The following MGAT4C variants were observed in gnomAD, a reference collection of about 807,000 sequenced individuals.
MGAT4C encodes the protein MGAT4 family member C.
Under a neutral mutation model 40.1 loss-of-function variants are expected in MGAT4C, and 19 were observed. That is an observed-to-expected ratio of 0.47 (90% CI 0.33 to 0.70). MGAT4C has a LOEUF of 0.70. MGAT4C is among the 30% of genes least tolerant of loss of function. The probability of loss-of-function intolerance (pLI) is 0.02; values close to 1 mark genes in which losing one functional copy is unlikely to be tolerated. For missense variants in MGAT4C, 491 were observed against 563.2 expected, an observed-to-expected ratio of 0.87 and a Z score of 1.30; for synonymous variants, 181 against 187.1, an observed-to-expected ratio of 0.97 and a Z score of 0.27.
At chr12:86,755,898 T>C (rs202081022) in intron 1 of MGAT4C, among the ~76,000 whole-genome samples, 2 of 151,982 alleles carry the variant, frequency 1.3e-5, no homozygotes, top group East Asian at 3.9e-4. Context: ...TTGGCCAGCT[T>C]TGGGCTCCTA....
At chr12:86,420,794 T>C (rs1006855965) in intron 3 of MGAT4C, among the ~76,000 whole-genome samples, 14 of 148,290 alleles carry the variant, frequency 9.4e-5, no homozygotes, top group Admixed American at 2.0e-4. Context: ...TATATATATA[T>C]ACACACACAC....
chr12:86,827,772 C>A (rs1180523914), intron 1 of MGAT4C, among the ~76,000 whole-genome samples: 1 of 151,318 alleles, frequency 6.6e-6, no homozygotes, highest in Non-Finnish European at 1.5e-5. Context: ...TTGCTTTATA[C>A]ACAACTTGAC....
chr12:86,209,191 C>T (rs1950367209), intron 1 of MGAT4C, among the ~76,000 whole-genome samples: 1 of 151,846 alleles, frequency 6.6e-6, no homozygotes, highest in African/African-American at 2.4e-5. Context: ...CAATATTATA[C>T]AATATTAAGA....
At chr12:86,369,054 A>T (rs1252774302) in intron 3 of MGAT4C, among the ~76,000 whole-genome samples, 2 of 151,938 alleles carry the variant, frequency 1.3e-5, no homozygotes, top group Non-Finnish European at 2.9e-5. Context: ...TTGATGTTGG[A>T]TGCATGCATA....
Position 85,980,175 on chromosome 12 carries a change from C to T in MGAT4C, c.551G>A (p.Gly184Asp). 1 of 1,613,848 alleles carries T rather than the reference C, an allele frequency of 6.2e-7. No homozygotes were observed. The highest frequency in any genetic ancestry group is 1.7e-5 in the Admixed American group (1 of 59,986). The change falls in exon 5 of 5, where the codon GGC (glycine) becomes GAC (aspartate). Residue 184 changes from glycine to aspartate, a missense_variant. Transcript: ENST00000611864. ...TGGATCATTGTAATTTCTTTTAAGG[C>T]CATCTAGGATTGGGTAATACTCCTC... ...APEEYYPILD[G>D]LKRNYNDPED...
intron 4 of MGAT4C, among the ~76,000 whole-genome samples, chr12:86,326,383 C>G (rs1231391458): frequency 6.6e-6 from 1 of 150,850 alleles, no homozygotes; most frequent in Non-Finnish European, 1.5e-5. Flanking sequence ...TTGTATTGTT[C>G]ATTTCACAAT....
intron 2 of MGAT4C, among the ~76,000 whole-genome samples, chr12:86,701,159 T>A (rs1950355885): frequency 6.6e-6 from 1 of 152,134 alleles, no homozygotes. Flanking sequence ...ATTCAACTAA[T>A]GATTAAATAA....
intron 1 of MGAT4C, among the ~76,000 whole-genome samples, chr12:86,255,144 T>C (rs1429575810): frequency 6.6e-6 from 1 of 152,134 alleles, no homozygotes; most frequent in Non-Finnish European, 1.5e-5. Flanking sequence ...AAAAGTTTTA[T>C]AACCCTAGGA....
intron 2 of MGAT4C, among the ~76,000 whole-genome samples, chr12:86,667,579 C>T (rs1409850413): frequency 6.6e-6 from 1 of 152,150 alleles, no homozygotes; most frequent in South Asian, 2.1e-4. Flanking sequence ...GCAAAAACCG[C>T]ATTTACTTTT....
intron 1 of MGAT4C, among the ~76,000 whole-genome samples, chr12:86,225,191 T>C (rs1951029327): frequency 6.6e-6 from 1 of 151,974 alleles, no homozygotes; most frequent in Admixed American, 6.6e-5. Flanking sequence ...CTGGAAAACC[T>C]AGAGAAAATG....
rs17855890 is a variant in MGAT4C, at chr12:85,979,443, G to C, written c.1283C>G (p.Thr428Ser). The C allele has an allele frequency of 0.09, 145,789 of 1,612,782 alleles. 7,720 individuals are homozygous for C. Among genetic ancestry groups the C allele is most frequent in the Middle Eastern group, 0.2 (1,206 of 6,054 alleles). ...TTTGAATTCTCCTAGTCTTAAGTAA[G>C]TAGAACATTGTCTCCTTTGTTTGCT... is the stretch of plus-strand genomic sequence containing the variant. ...MPSKQRRQCS[T>S]YLRLGEFKNG... Residue 428 changes from threonine to serine, a missense_variant, in exon 5 of 5, where the codon ACT (threonine) becomes AGT (serine). Thr to Ser is a moderately conservative substitution (Grantham distance 58). Transcript: ENST00000611864.
intron 2 of MGAT4C, among the ~76,000 whole-genome samples, chr12:86,447,667 G>A (rs1366170203): frequency 6.6e-6 from 1 of 151,704 alleles, no homozygotes; most frequent in Non-Finnish European, 1.5e-5. Flanking sequence ...CATTTGTATT[G>A]GTGAATGAGT....
At chr12:86,098,909 A>T (rs1344553616) in intron 1 of MGAT4C, among the ~76,000 whole-genome samples, 3 of 151,550 alleles carry the variant, frequency 2.0e-5, no homozygotes, top group Admixed American at 1.3e-4. Flanking sequence ...TGTCATGCCA[A>T]CCTAAGAAAA....
At chr12:86,665,662 C>T (rs1964087923) in intron 2 of MGAT4C, among the ~76,000 whole-genome samples, 1 of 152,156 alleles carries the variant, frequency 6.6e-6, no homozygotes, top group Non-Finnish European at 1.5e-5. Context: ...TGAGCCACCG[C>T]TCCCAGCCGG....
At chr12:86,741,307 T>C (rs918387115) in intron 1 of MGAT4C, among the ~76,000 whole-genome samples, 1 of 151,338 alleles carries the variant, frequency 6.6e-6, no homozygotes. Flanking sequence ...GATTATACTT[T>C]AAATTATTTG....
intron 2 of MGAT4C, among the ~76,000 whole-genome samples, chr12:86,564,924 CA>C (rs780258921): frequency 2.0e-5 from 3 of 152,122 alleles, no homozygotes; most frequent in Non-Finnish European, 4.4e-5. Context: ...CTTGAGGTGT[CA>C]GGGGCAGAGA....
chr12:86,492,737 G>T (rs1248181520), intron 2 of MGAT4C, among the ~76,000 whole-genome samples: 3 of 152,094 alleles, frequency 2.0e-5, no homozygotes, highest in Admixed American at 6.6e-5. Context: ...ATAGGCATGG[G>T]CAAGGACTTC....
intron 2 of MGAT4C, among the ~76,000 whole-genome samples, chr12:85,997,229 G>A (rs149215407): frequency 5.5e-4 from 83 of 152,210 alleles, no homozygotes; most frequent in South Asian, 6.2e-4. Context: ...ATTTACTATC[G>A]TGAGAACAGC....
chr12:86,235,246 A>G (rs1202017716), intron 1 of MGAT4C, among the ~76,000 whole-genome samples: 2 of 151,960 alleles, frequency 1.3e-5, no homozygotes, highest in African/African-American at 4.8e-5. Context: ...TCCCCATGCT[A>G]TCACCTCTGT....
Sources: gnomAD v4.1 joint callset for allele counts (sites outside exome capture counted in the v4.1 genomes callset) on GRCh38, gnomAD v4.1.1 for gene constraint, MANE v1.5 for transcripts, NCBI Gene and HGNC (gene_info 2026-07-23, HGNC 2026-07-21) for gene names.